The following DNAJC5 variants were observed in gnomAD, a reference collection of about 807,000 sequenced individuals.
DNAJC5 encodes the protein DnaJ heat shock protein family (Hsp40) member C5, also known as dnaJ homolog subfamily C member 5.
In DNAJC5, 1 loss-of-function variant was observed where a neutral mutation model predicts 23.2. That is an observed-to-expected ratio of 0.04 (90% CI 0.02 to 0.20). The LOEUF (loss-of-function observed/expected upper bound fraction) is 0.20. DNAJC5 is among the 10% of genes least tolerant of loss of function. The pLI is 1.00. For missense variants in DNAJC5, 180 were observed against 267.0 expected (o/e 0.67, Z 2.27); for synonymous variants, 136 against 120.0 (o/e 1.13, Z -0.87).
At chr20:63,898,994 C>CT (rs904559098) in intron 1 of DNAJC5, among the ~76,000 whole-genome samples, 1 of 152,218 alleles carries the variant, frequency 6.6e-6, no homozygotes, top group African/African-American at 2.4e-5. Context: ...GGCCTTCCCA[C>CT]TGTGGCAGCA....
At chr20:63,908,799 CAAAAAG>C in intron 1 of DNAJC5, among the ~76,000 whole-genome samples, 1 of 151,978 alleles carries the variant, frequency 6.6e-6, no homozygotes, top group East Asian at 1.9e-4. Flanking sequence ...GACCCCATCT[CAAAAAG>C]AAAAGAAAAG....
intron 1 of DNAJC5, among the ~76,000 whole-genome samples, chr20:63,896,299 AAAC>A (rs1183307434): frequency 6.6e-6 from 1 of 152,240 alleles, no homozygotes; most frequent in East Asian, 1.9e-4. Context: ...GTAGTCTGTC[AAAC>A]AAGAGATGAA....
At chr20:63,896,703 C>A (rs2053377959) in intron 1 of DNAJC5, among the ~76,000 whole-genome samples, 1 of 152,190 alleles carries the variant, frequency 6.6e-6, no homozygotes. Flanking sequence ...TCCCACAGCG[C>A]TGAATCCTCC....
intron 1 of DNAJC5, among the ~76,000 whole-genome samples, chr20:63,910,202 C>T (rs1048077898): frequency 1.3e-5 from 2 of 152,070 alleles, no homozygotes; most frequent in African/African-American, 4.8e-5. Context: ...TAACCTGTGG[C>T]CTCATTGGTG....
chr20:63,897,404 A>AAG (rs2053382338), intron 1 of DNAJC5, among the ~76,000 whole-genome samples: 1 of 151,868 alleles, frequency 6.6e-6, no homozygotes, highest in African/African-American at 2.4e-5. Flanking sequence ...TATAAAAAAA[A>AAG]TAAAAATAAA....
At chr20:63,926,839 C>T (rs1212579750) in intron 1 of DNAJC5, among the ~76,000 whole-genome samples, 2 of 152,250 alleles carry the variant, frequency 1.3e-5, no homozygotes, top group East Asian at 3.8e-4. Flanking sequence ...CTCCCAGGCA[C>T]ACCCTGAAGT....
In DNAJC5 at chr20:63,932,739, C is replaced by T. The variant is rs1224093869; in HGVS notation, c.*1171C>T. 3 of 151,504 alleles carry T rather than the reference C, an allele frequency of 2.0e-5. No individual in the cohort carries two copies. In the East Asian group the frequency reaches 5.7e-4, roughly 29 times the overall value. 9.4% of individuals were successfully genotyped at this position (151,504 alleles called of 1,614,324 possible). On this transcript the variant is annotated 3_prime_UTR_variant, in exon 5 of 5. Transcript: ENST00000360864. This position sits in a 1 kb window ranked among gnomAD's most constrained non-coding sequence, Gnocchi z 4.4. ...ACCCTCTGGCTCAGGAGGGTTGGGT[C>T]CCTGGGAGGCCGGCAGCCAGGCCAC...
At position 63,928,415 on chromosome 20, in the gene DNAJC5, A is replaced by G. The variant is rs1187650085; in HGVS notation, c.70A>G (p.Lys24Glu). The change falls in exon 2 of 5, where the codon AAG (lysine) becomes GAG (glutamate). Residue 24 changes from lysine to glutamate, a missense_variant. Coordinates refer to ENST00000360864, the MANE Select transcript of DNAJC5 (RefSeq NM_025219.3). The surrounding 1 kb of genome is among the most constrained non-coding windows in gnomAD (Gnocchi z 4.6). Reference sequence around the variant, plus strand: ...ATTGTACCACGTCCTTGGGTTGGACAAGAACGCAACCTCAGATGACATTAA... The same window carrying G: ...ATTGTACCACGTCCTTGGGTTGGACGAGAACGCAACCTCAGATGACATTAA... ...ESLYHVLGLD[K>E]NATSDDIKKS... 1 of 1,614,102 alleles carries G rather than the reference A, an allele frequency of 6.2e-7. No individual in the cohort carries two copies.
In DNAJC5 at chr20:63,924,229, GATT is replaced by G. The variant is rs141677107; in HGVS notation, c.-11-4104_-11-4102del. 4.5e-3 allele frequency among the ~76,000 whole-genome samples: 687 copies of G among 152,154 alleles called. 3 individuals carry two copies. Among genetic ancestry groups the G allele is most frequent in the African/African-American group, 0.016 (656 of 41,494 alleles). On this transcript the variant is annotated intron_variant, in intron 1 of 4. Transcript: ENST00000360864. ...GTTTCTGCAAAAAAAAATCCTCTTG[GATT>G]AGGGTTAGGCTTCTGTCAAGTCTAC...
At chr20:63,903,919 C>G (rs1337371440) in intron 1 of DNAJC5, among the ~76,000 whole-genome samples, 5 of 152,164 alleles carry the variant, frequency 3.3e-5, no homozygotes, top group Admixed American at 3.3e-4. Context: ...AACCCCATCT[C>G]TGCAGAAAAT....
chr20:63,908,025 C>T (rs1299582783), intron 1 of DNAJC5, among the ~76,000 whole-genome samples: 3 of 152,192 alleles, frequency 2.0e-5, no homozygotes, highest in South Asian at 2.1e-4. Context: ...CTTGGCCTCC[C>T]GAAGTGCTGG....
At chr20:63,927,831 G>A (rs2146303154) in intron 1 of DNAJC5, among the ~76,000 whole-genome samples, 1 of 152,158 alleles carries the variant, frequency 6.6e-6, no homozygotes, top group Middle Eastern at 3.4e-3. Flanking sequence ...TTCCTGTGTT[G>A]AGTTACTTTT....
intron 3 of DNAJC5, among the ~76,000 whole-genome samples, chr20:63,930,042 C>G (rs115326204): frequency 6.6e-6 from 1 of 152,184 alleles, no homozygotes; most frequent in African/African-American, 2.4e-5. Flanking sequence ...ATGTTACATC[C>G]GCATTTCTTC....
intron 1 of DNAJC5, among the ~76,000 whole-genome samples, chr20:63,923,741 A>G (rs2053589805): frequency 6.6e-6 from 1 of 151,938 alleles, no homozygotes; most frequent in African/African-American, 2.4e-5. Context: ...ATGAGTTAAC[A>G]TTTTCTCAGC....
chr20:63,902,342 C>T (rs1483256939), intron 1 of DNAJC5, among the ~76,000 whole-genome samples: 1 of 146,832 alleles, frequency 6.8e-6, no homozygotes, highest in African/African-American at 2.5e-5. Context: ...GCGTGAGCCA[C>T]TGCTCCTGGC....
chr20:63,921,351 G>A (rs541888516), intron 1 of DNAJC5, among the ~76,000 whole-genome samples: 2 of 152,182 alleles, frequency 1.3e-5, no homozygotes, highest in Admixed American at 1.3e-4. Context: ...CAGCACTTTG[G>A]GAGGCCGAGG....
Position 63,931,642 on chromosome 20 carries a change from A to G in DNAJC5, c.*74A>G. 5 of 1,435,040 alleles carry G rather than the reference A, an allele frequency of 3.5e-6. No individual in the cohort carries two copies. The highest frequency in any genetic ancestry group is 4.7e-6 in the Non-Finnish European group (5 of 1,054,260). The allele number at this position is 1,435,040 out of a possible 1,614,324, so 88.9% of individuals were successfully genotyped here. A position where few individuals can be genotyped will look rare whatever the true frequency, so the allele number is the denominator to read the frequency against. Reference sequence around the variant, plus strand: ...AACCTTAGAATCATGAACTGTAGTCACAGAGATGGGAAGGCAGCCTCCTGC... The same window carrying G: ...AACCTTAGAATCATGAACTGTAGTCGCAGAGATGGGAAGGCAGCCTCCTGC... On this transcript the variant is annotated 3_prime_UTR_variant, in exon 5 of 5. Transcript: ENST00000360864. This position sits in a 1 kb window ranked among gnomAD's most constrained non-coding sequence, Gnocchi z 9.6.
At chr20:63,904,862 G>A (rs1437348235) in intron 1 of DNAJC5, among the ~76,000 whole-genome samples, 1 of 152,112 alleles carries the variant, frequency 6.6e-6, no homozygotes, top group African/African-American at 2.4e-5. Flanking sequence ...GGAGTGCAAC[G>A]GCGCGATCTC....
intron 1 of DNAJC5, among the ~76,000 whole-genome samples, chr20:63,898,121 G>C (rs187631973): frequency 3.3e-5 from 5 of 152,304 alleles, no homozygotes; most frequent in Non-Finnish European, 4.4e-5. Context: ...TCTAGACCAG[G>C]TTTCTTCTAA....
Sources: allele counts gnomAD v4.1 joint callset (sites outside exome capture counted in the v4.1 genomes callset), GRCh38; gene constraint gnomAD v4.1.1; non-coding constraint Gnocchi (gnomAD v3.1); transcripts MANE v1.5; gene names NCBI Gene and HGNC (gene_info 2026-07-23, HGNC 2026-07-21).